Variants in HYCC2 observed in about 807,000 individuals in gnomAD.
HYCC2 encodes hyccin 2.
the HYCC2 span, chr2:201,071,512 C>A: frequency 6.5e-6 from 1 of 152,852 alleles, no homozygotes; most frequent in East Asian, 1.9e-4. Context: ...TCCAGACCAC[C>A]CTCGCCAGCT....
At chr2:201,058,984 C>T in the HYCC2 span, among the ~76,000 whole-genome samples, 1 of 152,190 alleles carries the variant, frequency 6.6e-6, no homozygotes, top group Admixed American at 6.5e-5. Flanking sequence ...TAAGCCTCCC[C>T]CAAGTAGAGA....
chr2:201,048,706 C>G, the HYCC2 span, among the ~76,000 whole-genome samples: 33,033 of 151,788 alleles, frequency 0.22, 4,457 homozygotes, highest in African/African-American at 0.38. Flanking sequence ...AAAAGACACA[C>G]TAATTTCAGA....
the HYCC2 span, among the ~76,000 whole-genome samples, chr2:200,990,985 G>A: frequency 2.0e-5 from 3 of 152,220 alleles, no homozygotes; most frequent in African/African-American, 7.2e-5. Context: ...TGGAATTACA[G>A]GCATGAGCCA....
At chr2:201,061,415 G>A in the HYCC2 span, 8 of 151,164 alleles carry the variant, frequency 5.3e-5, no homozygotes, top group Admixed American at 2.0e-4. Flanking sequence ...CTGGGAGAGC[G>A]AAACTCCATC....
At chr2:201,011,314 A>C in the HYCC2 span, 1 of 796,274 alleles carries the variant, frequency 1.3e-6, no homozygotes, top group East Asian at 2.9e-5. Flanking sequence ...AGGAATATTT[A>C]TCTCTGATAA....
chr2:201,042,854 TG>T, the HYCC2 span, among the ~76,000 whole-genome samples: 15 of 119,464 alleles, frequency 1.3e-4, no homozygotes, highest in Non-Finnish European at 2.4e-4. Flanking sequence ...GTCTGGGAGG[TG>T]GGGGGGCCCC....
the HYCC2 span, among the ~76,000 whole-genome samples, chr2:201,070,214 A>AT: frequency 1.3e-5 from 2 of 152,110 alleles, no homozygotes; most frequent in Non-Finnish European, 2.9e-5. Flanking sequence ...GAATTATAAA[A>AT]TTTTTTTAAA....
At chr2:201,016,618 G>C in the HYCC2 span, among the ~76,000 whole-genome samples, 1 of 119,434 alleles carries the variant, frequency 8.4e-6, no homozygotes, top group Non-Finnish European at 1.8e-5. Flanking sequence ...TTTTTTTTTT[G>C]AGACGGAGTC....
the HYCC2 span, among the ~76,000 whole-genome samples, chr2:201,052,423 C>T: frequency 6.6e-6 from 1 of 152,060 alleles, no homozygotes; most frequent in Non-Finnish European, 1.5e-5. Context: ...TGGCCAACAC[C>T]GTGAGACCTC....
chr2:200,998,758 T>A, the HYCC2 span, among the ~76,000 whole-genome samples: 1 of 152,194 alleles, frequency 6.6e-6, no homozygotes, highest in East Asian at 1.9e-4. Flanking sequence ...AATCCTCGGG[T>A]AGGAACTAGG....
the HYCC2 span, among the ~76,000 whole-genome samples, chr2:201,002,397 C>T: frequency 6.6e-6 from 1 of 151,736 alleles, no homozygotes; most frequent in Non-Finnish European, 1.5e-5. Context: ...AGATTAAAAA[C>T]TTTGAAAATA....
chr2:200,987,552 AT>A, the HYCC2 span: 4 of 1,288,114 alleles, frequency 3.1e-6, no homozygotes, highest in Non-Finnish European at 4.0e-6. Context: ...AACATATAAC[AT>A]TTTAGTGCTT....
the HYCC2 span, chr2:201,064,144 G>A: frequency 1.3e-5 from 13 of 974,838 alleles, no homozygotes; most frequent in South Asian, 1.6e-4. Flanking sequence ...CAAGCACAGT[G>A]GTGGCAGGGC....
the HYCC2 span, among the ~76,000 whole-genome samples, chr2:201,060,189 A>G: frequency 3.3e-5 from 5 of 152,148 alleles, no homozygotes; most frequent in East Asian, 7.7e-4. Flanking sequence ...TTGAATGAAG[A>G]GCTTAACAGC....
At chr2:201,063,107 C>T in the HYCC2 span, 2 of 1,609,866 alleles carry the variant, frequency 1.2e-6, no homozygotes, top group South Asian at 2.2e-5. Flanking sequence ...GTCAGAGTCT[C>T]CTAAAGAGCC....
At chr2:201,000,057 C>CAAAAA in the HYCC2 span, among the ~76,000 whole-genome samples, 14 of 34,724 alleles carry the variant, frequency 4.0e-4, no homozygotes, top group East Asian at 8.7e-4. Flanking sequence ...GACTCCGTCT[C>CAAAAA]AAAAAAAAAA....
chr2:201,051,822 G>A, the HYCC2 span, among the ~76,000 whole-genome samples: 4 of 152,100 alleles, frequency 2.6e-5, no homozygotes, highest in African/African-American at 7.2e-5. Flanking sequence ...CAGGAAAACT[G>A]TAAGGTCCTG....
the HYCC2 span, among the ~76,000 whole-genome samples, chr2:201,043,002 T>G: frequency 9.2e-5 from 14 of 151,742 alleles, no homozygotes; most frequent in Non-Finnish European, 1.9e-4. Flanking sequence ...AAGGGGGAAA[T>G]GTGGGGAAAA....
At chr2:201,030,250 T>C in the HYCC2 span, among the ~76,000 whole-genome samples, 8 of 152,188 alleles carry the variant, frequency 5.3e-5, no homozygotes, top group East Asian at 5.8e-4. Context: ...TAAAAAGCCA[T>C]ACCTGCTCTG....
Sources: gnomAD v4.1 joint callset for allele counts (sites outside exome capture counted in the v4.1 genomes callset) on GRCh38, gnomAD v4.1.1 for gene constraint, MANE v1.5 for transcripts, NCBI Gene and HGNC (gene_info 2026-07-23, HGNC 2026-07-21) for gene names.